The following SLIT3 variants were observed in gnomAD, a reference collection of about 807,000 sequenced individuals.
SLIT3 encodes slit homolog 3 protein.
SLIT3 carries 68 observed loss-of-function variants against 184.0 expected under a neutral mutation model. That is an observed-to-expected ratio of 0.37 (90% CI 0.30 to 0.45). The LOEUF (loss-of-function observed/expected upper bound fraction) is 0.45. Among genes scored for constraint, SLIT3 ranks in the 20% least tolerant of loss-of-function variants. SLIT3 has a pLI of 1.00. For synonymous variants in SLIT3, 831 were observed against 828.6 expected (o/e 1.00, Z -0.05); for missense variants, 1,707 against 2,026.0 (o/e 0.84, Z 3.02).
chr5:168,690,341 G>A (rs1274336093), intron 29 of SLIT3, among the ~76,000 whole-genome samples: 7 of 152,056 alleles, frequency 4.6e-5, no homozygotes, highest in Non-Finnish European at 1.0e-4. Context: ...CACCATGTTG[G>A]CCAGGGTGGC....
intron 18 of SLIT3, among the ~76,000 whole-genome samples, chr5:168,751,927 G>C (rs1249624698): frequency 6.6e-6 from 1 of 152,242 alleles, no homozygotes; most frequent in East Asian, 1.9e-4. Flanking sequence ...TTTTAGTAGA[G>C]ATGGGGTTTC....
At chr5:169,011,199 T>C (rs562386141) in intron 4 of SLIT3, among the ~76,000 whole-genome samples, 2 of 152,250 alleles carry the variant, frequency 1.3e-5, no homozygotes, top group African/African-American at 4.8e-5. Flanking sequence ...ATCCCAGAAA[T>C]GACATCACCG....
At chr5:169,153,987 T>G (rs1383450371) in intron 4 of SLIT3, among the ~76,000 whole-genome samples, 1 of 151,334 alleles carries the variant, frequency 6.6e-6, no homozygotes, top group Admixed American at 6.6e-5. Flanking sequence ...TTTTTTTTTT[T>G]TGTGAGACAG....
intron 4 of SLIT3, among the ~76,000 whole-genome samples, chr5:168,905,272 T>G (rs1055964209): frequency 6.6e-6 from 1 of 152,188 alleles, no homozygotes; most frequent in African/African-American, 2.4e-5. Context: ...TCTATCCTTT[T>G]TCCTCCTCCA....
At chr5:168,927,630 C>T (rs1236869122) in intron 4 of SLIT3, among the ~76,000 whole-genome samples, 1 of 152,216 alleles carries the variant, frequency 6.6e-6, no homozygotes, top group African/African-American at 2.4e-5. Flanking sequence ...ACTGCTTCTT[C>T]CTAAAATCAG....
chr5:168,753,613 C>T (rs974688221), intron 17 of SLIT3, among the ~76,000 whole-genome samples: 1 of 152,044 alleles, frequency 6.6e-6, no homozygotes, highest in Non-Finnish European at 1.5e-5. Flanking sequence ...CGTGTATACA[C>T]GAGAGTGGGT....
At chr5:169,280,215 A>G (rs1417813737) in intron 1 of SLIT3, among the ~76,000 whole-genome samples, 1 of 152,214 alleles carries the variant, frequency 6.6e-6, no homozygotes, top group Non-Finnish European at 1.5e-5. Flanking sequence ...TCCTTCCAAA[A>G]TCCTCATGCA....
chr5:169,029,302 G>A (rs981512404), intron 4 of SLIT3, among the ~76,000 whole-genome samples: 4 of 152,194 alleles, frequency 2.6e-5, no homozygotes, highest in African/African-American at 9.7e-5. Context: ...TTGTTAGCCA[G>A]ATTCCTTAAA....
chr5:168,693,880 T>C (rs752262219), intron 28 of SLIT3, among the ~76,000 whole-genome samples: 1 of 152,176 alleles, frequency 6.6e-6, no homozygotes, highest in Non-Finnish European at 1.5e-5. Context: ...GAAGGCACTA[T>C]GTTCCTGAGA....
At chr5:168,709,693 G>GTATCTATATATCAAATTAAAGTT in intron 25 of SLIT3, among the ~76,000 whole-genome samples, 1 of 152,174 alleles carries the variant, frequency 6.6e-6, no homozygotes, top group African/African-American at 2.4e-5. Context: ...TAATTAAAGT[G>GTATCTATATATCAAATTAAAGTT]TATCTATATA....
chr5:169,258,848 A>C (rs1288331030), intron 1 of SLIT3, among the ~76,000 whole-genome samples: 2 of 152,234 alleles, frequency 1.3e-5, no homozygotes, highest in Non-Finnish European at 2.9e-5. Context: ...ATCTGGGAAG[A>C]GCAAGGAGTG....
intron 21 of SLIT3, 100 bp from the exon 22 acceptor site, chr5:168,723,104 T>TACCCATCC (rs1360187920): frequency 8.7e-6 from 7 of 801,478 alleles, no homozygotes; most frequent in East Asian, 2.5e-5. Context: ...CCCACTCATC[T>TACCCATCC]ACCCATCCAC....
intron 35 of SLIT3, among the ~76,000 whole-genome samples, chr5:168,668,013 G>T (rs1761110134): frequency 6.6e-6 from 1 of 152,144 alleles, no homozygotes; most frequent in South Asian, 2.1e-4. Context: ...TTTTAAAAAT[G>T]AGTTTTGGTT....
chr5:168,728,430 A>T (rs1044523356), intron 20 of SLIT3, among the ~76,000 whole-genome samples: 2 of 152,088 alleles, frequency 1.3e-5, no homozygotes, highest in Non-Finnish European at 2.9e-5. Context: ...TGATGCTACC[A>T]AAGGACCACA....
intron 4 of SLIT3, among the ~76,000 whole-genome samples, chr5:169,031,327 T>C (rs78549049): frequency 0.032 from 4,850 of 152,272 alleles, 210 homozygotes; most frequent in East Asian, 0.1. Context: ...CGTCTGGGAC[T>C]AGAGGGGTAG....
intron 1 of SLIT3, among the ~76,000 whole-genome samples, chr5:169,270,264 T>A (rs906552906): frequency 6.6e-6 from 1 of 152,154 alleles, no homozygotes; most frequent in African/African-American, 2.4e-5. Flanking sequence ...CCGAGTCTAA[T>A]CCTAAGAAGG....
At chr5:168,817,676 C>T (rs1344173872) in intron 7 of SLIT3, among the ~76,000 whole-genome samples, 2 of 152,216 alleles carry the variant, frequency 1.3e-5, no homozygotes, top group African/African-American at 2.4e-5. Flanking sequence ...CTCCGGGGTT[C>T]TGAGCAAAGC....
At chr5:168,810,607 G>C (rs907699991) in intron 8 of SLIT3, among the ~76,000 whole-genome samples, 3 of 152,192 alleles carry the variant, frequency 2.0e-5, no homozygotes, top group Non-Finnish European at 4.4e-5. Flanking sequence ...CTCCCCTCTG[G>C]GGGGGACTTG....
chr5:169,026,179 C>T (rs1156583450), intron 4 of SLIT3: 4 of 152,176 alleles, frequency 2.6e-5, no homozygotes, highest in African/African-American at 9.7e-5. Flanking sequence ...ATTCTGAGAA[C>T]TGCATCAGAA....
Sources: allele counts gnomAD v4.1 joint callset (sites outside exome capture counted in the v4.1 genomes callset), GRCh38; gene constraint gnomAD v4.1.1; transcripts MANE v1.5; gene names NCBI Gene and HGNC (gene_info 2026-07-23, HGNC 2026-07-21).